Variants in ERGIC1 observed in about 807,000 individuals in gnomAD.
ERGIC1 encodes the protein endoplasmic reticulum-Golgi intermediate compartment protein 1.
Under a neutral mutation model 38.3 loss-of-function variants are expected in ERGIC1, and 19 were observed. That is an observed-to-expected ratio of 0.50 (90% CI 0.35 to 0.73). ERGIC1 has a LOEUF of 0.73. Ranked by LOEUF, ERGIC1 falls within the 30% of genes least tolerant of loss-of-function variation. ERGIC1 has a pLI of 0.01. For synonymous variants in ERGIC1, 124 were observed against 157.6 expected, an observed-to-expected ratio of 0.79 and a Z score of 1.60; for missense variants, 294 against 389.2, an observed-to-expected ratio of 0.76 and a Z score of 2.06.
At chr5:172,915,585 G>T (rs1378410264) in intron 5 of ERGIC1, 1 of 471,200 alleles carries the variant, frequency 2.1e-6, no homozygotes, top group Non-Finnish European at 4.4e-6. Flanking sequence ...GAGGCACCCG[G>T]TGGCAGCTGG....
At chr5:172,903,410 T>G (rs1762936002) in intron 3 of ERGIC1, among the ~76,000 whole-genome samples, 1 of 152,064 alleles carries the variant, frequency 6.6e-6, no homozygotes, top group African/African-American at 2.4e-5. Flanking sequence ...CCCCTCAGCT[T>G]TTCACCGATT....
chr5:172,856,745 C>T (rs1347359698), intron 1 of ERGIC1, among the ~76,000 whole-genome samples: 1 of 152,192 alleles, frequency 6.6e-6, no homozygotes, highest in African/African-American at 2.4e-5. Flanking sequence ...AGGGTTCTCC[C>T]TGCTGAGATG....
intron 3 of ERGIC1, among the ~76,000 whole-genome samples, chr5:172,908,877 C>T (rs1179517245): frequency 6.6e-6 from 1 of 152,178 alleles, no homozygotes; most frequent in Non-Finnish European, 1.5e-5. Flanking sequence ...TCAGGGAATT[C>T]CTGGCTTCCC....
intron 5 of ERGIC1, among the ~76,000 whole-genome samples, chr5:172,923,300 A>T (rs113714797): frequency 7.8e-6 from 1 of 127,876 alleles, no homozygotes; most frequent in South Asian, 3.0e-4. Flanking sequence ...TAGTCTGAGC[A>T]TCTGGGAGGA....
intron 9 of ERGIC1, among the ~76,000 whole-genome samples, chr5:172,946,863 A>G (rs1162971984): frequency 6.4e-5 from 8 of 125,698 alleles, no homozygotes; most frequent in African/African-American, 2.1e-4. Flanking sequence ...CCTGGCCACT[A>G]GAGTTCTCTC....
At chr5:172,932,608 C>T in intron 8 of ERGIC1, 72 bp downstream of exon 8, 4 of 1,452,048 alleles carry the variant, frequency 2.8e-6, no homozygotes, top group South Asian at 1.2e-5. Context: ...AGATGACAGG[C>T]GGCTGCACCG....
At chr5:172,861,138 C>A (rs992911591) in intron 1 of ERGIC1, among the ~76,000 whole-genome samples, 17 of 152,194 alleles carry the variant, frequency 1.1e-4, no homozygotes, top group African/African-American at 3.6e-4. Flanking sequence ...CCCCTCCCTG[C>A]GTGCCAGCCG....
At chr5:172,838,339 G>C (rs1761082080) in intron 1 of ERGIC1, among the ~76,000 whole-genome samples, 1 of 152,168 alleles carries the variant, frequency 6.6e-6, no homozygotes, top group Non-Finnish European at 1.5e-5. Context: ...AGCCAAGCAT[G>C]GACCCCCCTC....
At position 172,834,390 on chromosome 5, in the gene ERGIC1, G is replaced by A. The variant is rs1390632052; in HGVS notation, c.-24G>A. ...CGCCGCGGCCCGCCTGGCCTGCAGCGCTCCCACCCCCGGCGGCGGCACGAT... is the reference window on the plus strand; with the variant it reads ...CGCCGCGGCCCGCCTGGCCTGCAGCACTCCCACCCCCGGCGGCGGCACGAT... On this transcript the variant is annotated 5_prime_UTR_variant, in exon 1 of 10. Transcript: ENST00000393784. The surrounding 1 kb of genome is among the most constrained non-coding windows in gnomAD (Gnocchi z 4.1). The A allele has an allele frequency of 1.5e-6, 2 of 1,315,344 alleles. No individual in the cohort carries two copies. Among genetic ancestry groups the A allele is most frequent in the South Asian group, 2.1e-5 (1 of 46,950 alleles). 81.5% of individuals were successfully genotyped at this position (1,315,344 alleles called of 1,614,324 possible). A position where few individuals can be genotyped will look rare whatever the true frequency, so the allele number is the denominator to read the frequency against.
chr5:172,865,201 C>T (rs1761823558), intron 1 of ERGIC1, among the ~76,000 whole-genome samples: 2 of 151,852 alleles, frequency 1.3e-5, no homozygotes, highest in Non-Finnish European at 2.9e-5. Flanking sequence ...ATTACAGGCG[C>T]CCGCCACTAT....
At chr5:172,909,581 CAAGTGA>C in intron 3 of ERGIC1, 80 bp from the exon 4 acceptor site, 2 of 1,268,952 alleles carry the variant, frequency 1.6e-6, no homozygotes, top group Non-Finnish European at 2.3e-6. Flanking sequence ...TTGTGGTCAC[CAAGTGA>C]AGTGATCCCC....
At position 172,926,809 on chromosome 5, in the gene ERGIC1, G is replaced by A. The variant is rs1377687562; in HGVS notation, c.541+240G>A. On this transcript the variant is annotated intron_variant, in intron 7 of 9. Coordinates refer to ENST00000393784, the MANE Select transcript of ERGIC1 (RefSeq NM_001031711.3). This position sits in a 1 kb window ranked among gnomAD's most constrained non-coding sequence, Gnocchi z 5.2. ...GGGGCACAGCAGACGCACGCACGCA[G>A]TGGATACCAGCTATTACCATTATTG... The A allele has an allele frequency of 5.4e-6, 3 of 555,694 alleles. No homozygotes were observed. The highest frequency in any genetic ancestry group is 9.7e-6 in the Non-Finnish European group (3 of 308,326). The allele number at this position is 555,694 out of a possible 1,614,324, so 34.4% of individuals were successfully genotyped here. A position where few individuals can be genotyped will look rare whatever the true frequency, so the allele number is the denominator to read the frequency against.
intron 8 of ERGIC1, 177 bp from the exon 9 acceptor site, chr5:172,935,011 A>C (rs1763856484): frequency 1.1e-6 from 1 of 874,942 alleles, no homozygotes; most frequent in Non-Finnish European, 1.8e-6. Flanking sequence ...TGTGCACGGC[A>C]GAGTTCAGGG....
At chr5:172,927,649 G>A (rs568626978) in intron 7 of ERGIC1, among the ~76,000 whole-genome samples, 1 of 148,986 alleles carries the variant, frequency 6.7e-6, no homozygotes, top group South Asian at 2.1e-4. Flanking sequence ...GCACAGTCTC[G>A]GCTCACTGCA....
At chr5:172,942,945 G>A (rs1349083971) in intron 9 of ERGIC1, among the ~76,000 whole-genome samples, 1 of 152,178 alleles carries the variant, frequency 6.6e-6, no homozygotes, top group Non-Finnish European at 1.5e-5. Flanking sequence ...GAAGCTATCT[G>A]TACATGAAGA....
chr5:172,917,152 G>A (rs1004309435), intron 5 of ERGIC1: 4 of 152,344 alleles, frequency 2.6e-5, no homozygotes, highest in African/African-American at 9.6e-5. Flanking sequence ...AACCTTTGAC[G>A]TCTTTGTCTT....
intron 1 of ERGIC1, among the ~76,000 whole-genome samples, chr5:172,871,993 C>T (rs924870782): frequency 1.3e-5 from 2 of 152,120 alleles, no homozygotes; most frequent in African/African-American, 4.8e-5. Flanking sequence ...TGGAGAGTTT[C>T]ACCTTTTCAT....
rs1237135975 is a variant in ERGIC1 at position 172,834,295 on chromosome 5, T to G, written c.-119T>G. On this transcript the variant is annotated 5_prime_UTR_variant, in exon 1 of 10. Transcript: ENST00000393784. This position sits in a 1 kb window ranked among gnomAD's most constrained non-coding sequence, Gnocchi z 4.1. ...CGAGTGGCGAGTGGCGAGTGGCGAG[T>G]GTCAGGGGGGCGGCCGGCGGGGGCG... The G allele has an allele frequency of 2.1e-6, 2 of 971,788 alleles. No homozygotes were observed. Among genetic ancestry groups the G allele is most frequent in the African/African-American group, 1.8e-5 (1 of 56,600 alleles). 60.2% of individuals were successfully genotyped at this position (971,788 alleles called of 1,614,324 possible).
chr5:172,885,992 C>G lies in ERGIC1; in HGVS notation c.21-2707C>G, dbSNP rs529138942. On this transcript the variant is annotated intron_variant, in intron 1 of 9. Transcript: ENST00000393784. ...AAGGTCTGGCCTCCTGAGCCCGCATCTCTACCTGGCAGGTGTCAGCTGGGG... is the reference window on the plus strand; with the variant it reads ...AAGGTCTGGCCTCCTGAGCCCGCATGTCTACCTGGCAGGTGTCAGCTGGGG... Among the ~76,000 whole-genome samples, 68 of 152,262 alleles carry G rather than the reference C, an allele frequency of 4.5e-4. 1 individual carries two copies. The highest frequency in any genetic ancestry group is 1.5e-3 in the African/African-American group (63 of 41,538).
Sources: gnomAD v4.1 joint callset for allele counts (sites outside exome capture counted in the v4.1 genomes callset) on GRCh38, gnomAD v4.1.1 for gene constraint, Gnocchi (gnomAD v3.1) non-coding constraint, MANE v1.5 for transcripts, NCBI Gene and HGNC (gene_info 2026-07-23, HGNC 2026-07-21) for gene names.